Variants in PNPLA5 observed in about 807,000 individuals in gnomAD.
PNPLA5 encodes the protein patatin-like phospholipase domain-containing protein 5.
PNPLA5 carries 44 observed loss-of-function variants against 49.1 expected under a neutral mutation model. The ratio of observed to expected loss-of-function variants is 0.90; its 90% CI spans 0.70 to 1.15. PNPLA5 has a LOEUF of 1.15. PNPLA5 is among the 50% of genes most tolerant of loss of function. The pLI, the probability that PNPLA5 is intolerant of heterozygous loss-of-function variation, is 0.00. For synonymous variants in PNPLA5, 243 were observed against 244.4 expected, an observed-to-expected ratio of 0.99 and a Z score of 0.06; for missense variants, 603 against 564.0, an observed-to-expected ratio of 1.07 and a Z score of -0.70.
intron 4 of PNPLA5, 131 bp from the exon 5 acceptor site, chr22:43,887,782 C>G (rs1307830278): frequency 4.7e-6 from 7 of 1,487,542 alleles, no homozygotes; most frequent in Non-Finnish European, 5.4e-6. Context: ...AGTGACCATT[C>G]AACAGGGCTC....
chr22:43,891,636 G>C, intron 1 of PNPLA5, 52 bp downstream of exon 1: 3 of 1,486,792 alleles, frequency 2.0e-6, no homozygotes, highest in Non-Finnish European at 2.7e-6. Context: ...GGCTCGATCC[G>C]CTTTCATTAA....
chr22:43,887,656 C>T lies in PNPLA5; in HGVS notation c.703-5G>A. ...TCTGCAGTTGTCGGCCACTACCTGCCAACACACAGGGCAAGGGTGAGATGG... is the reference window on the plus strand; with the variant it reads ...TCTGCAGTTGTCGGCCACTACCTGCTAACACACAGGGCAAGGGTGAGATGG... On this transcript the variant is annotated splice_region_variant and splice_polypyrimidine_tract_variant and intron_variant, in intron 4 of 8. Coordinates refer to ENST00000216177, the MANE Select transcript of PNPLA5 (RefSeq NM_138814.4). 1 of 1,600,048 alleles carries T rather than the reference C, an allele frequency of 6.2e-7. No individual in the cohort carries two copies. Among genetic ancestry groups the T allele is most frequent in the Non-Finnish European group, 8.5e-7 (1 of 1,172,258 alleles).
Position 43,881,653 on chromosome 22 carries a change from A to G in PNPLA5, c.1104T>C (p.Asp368=), listed in dbSNP as rs755096355. Residue 368 remains aspartate (D), a synonymous_variant, in exon 8 of 9, where the codon GAT becomes GAC. Transcript: ENST00000216177. ...GCATCCACCACAAGTCCGCCGGCAC[A>G]TCGGGCAGCCACACCACCAACCTGG... ...RSRRLVVWLP[D]VPADLWWMQG... 5 of 1,613,758 alleles carry G rather than the reference A, an allele frequency of 3.1e-6. No homozygotes were observed. The highest frequency in any genetic ancestry group is 2.2e-5 in the East Asian group (1 of 44,856).
At chr22:43,882,730 G>A (rs2049622685) in intron 7 of PNPLA5, among the ~76,000 whole-genome samples, 1 of 152,232 alleles carries the variant, frequency 6.6e-6, no homozygotes, top group African/African-American at 2.4e-5. Flanking sequence ...TCAGCGTGAG[G>A]AGAATCTGTC....
intron 4 of PNPLA5, among the ~76,000 whole-genome samples, chr22:43,888,147 G>C (rs761897070): frequency 2.0e-5 from 3 of 152,196 alleles, no homozygotes; most frequent in Non-Finnish European, 2.9e-5. Context: ...AAAGGGTGCT[G>C]TCCCCCTCAC....
rs200063119 is a variant in PNPLA5 at position 43,884,303 on chromosome 22, C to T, written c.992G>A (p.Arg331His). The change falls in exon 7 of 9, where the codon CGC becomes CAC. Residue 331 changes from arginine to histidine, a missense_variant. Arg to His is a conservative substitution (Grantham distance 29, BLOSUM62 0). Coordinates refer to ENST00000216177, the MANE Select transcript of PNPLA5 (RefSeq NM_138814.4). ...CTGTCCAGGCCCCGAGTGCCAGAAG[C>T]GGGCCCACCGGCTGGGATCCCTCGT... ...ACTRDPSRWA[R>H]FWHSGPGQVL... The T allele has an allele frequency of 1.8e-5, 28 of 1,598,386 alleles. No homozygotes were observed. The highest frequency in any genetic ancestry group is 3.3e-4 in the Middle Eastern group (2 of 6,030).
intron 7 of PNPLA5, 50 bp from the exon 8 acceptor site, chr22:43,881,724 C>A (rs751814153): frequency 1.3e-6 from 2 of 1,586,318 alleles, no homozygotes; most frequent in East Asian, 2.3e-5. Context: ...GGGGTGTGGC[C>A]CCACCAAGCC....
At chr22:43,887,527 G>A (rs1296062145) in intron 5 of PNPLA5, 64 bp downstream of exon 5, 2 of 1,567,130 alleles carry the variant, frequency 1.3e-6, no homozygotes, top group Non-Finnish European at 1.7e-6. Flanking sequence ...AAAGGCCCAA[G>A]AGGCAGGGTC....
At chr22:43,889,274 C>T in intron 4 of PNPLA5, 55 bp downstream of exon 4, 1 of 1,592,466 alleles carries the variant, frequency 6.3e-7, no homozygotes. Context: ...GAGTCTGACT[C>T]ACGGGGCCCT....
At chr22:43,881,283 G>T (rs545100081) in intron 8 of PNPLA5, among the ~76,000 whole-genome samples, 4 of 152,220 alleles carry the variant, frequency 2.6e-5, no homozygotes, top group African/African-American at 7.2e-5. Context: ...TGGTGAAGCC[G>T]CAAGAGGCAC....
At chr22:43,890,977 G>C (rs1451158441) in intron 2 of PNPLA5, 85 bp downstream of exon 2, 16 of 1,498,832 alleles carry the variant, frequency 1.1e-5, no homozygotes, top group African/African-American at 1.4e-5. Flanking sequence ...CTGCAGAAAC[G>C]TCTGACGGGG....
chr22:43,889,570 T>C (rs1464291240), intron 3 of PNPLA5, 32 bp from the exon 4 acceptor site: 1 of 1,571,936 alleles, frequency 6.4e-7, no homozygotes, highest in East Asian at 2.2e-5. Flanking sequence ...TGGGTGGTGC[T>C]GCCCTCTCAG....
rs370194974 is a variant in PNPLA5, at chr22:43,889,470, C to T, written c.561G>A (p.Ser187=). 17 of 1,613,578 alleles carry T rather than the reference C, an allele frequency of 1.1e-5. No individual in the cohort carries two copies. Among genetic ancestry groups the T allele is most frequent in the Middle Eastern group, 1.6e-4 (1 of 6,084 alleles). The change falls in exon 4 of 9, where the codon TCG becomes TCA. Residue 187 remains serine (S), a synonymous_variant. Coordinates refer to ENST00000216177, the MANE Select transcript of PNPLA5 (RefSeq NM_138814.4). The part of the protein sequence containing the change: ...FADCPSTITV[S]PFHGTVDICP... ...AGATGTCCACTGTCCCATGGAAGGGCGACACCGTGATGGTGGAGGGGCAGT... is the reference window on the plus strand; with the variant it reads ...AGATGTCCACTGTCCCATGGAAGGGTGACACCGTGATGGTGGAGGGGCAGT...
chr22:43,891,676 T>TC lies in PNPLA5; in HGVS notation c.193+11dup. 1 of 1,543,344 alleles carries TC rather than the reference T, an allele frequency of 6.5e-7. No individual in the cohort carries two copies. The highest frequency in any genetic ancestry group is 8.7e-7 in the Non-Finnish European group (1 of 1,145,082). On this transcript the variant is annotated intron_variant, in intron 1 of 8. Transcript: ENST00000216177. ...TCCCCGCCCCTTTTCGCCCCCGCGG[T>TC]CCGGGACTCACCGACCGACTTGCCG...
rs1603413257 is a variant in PNPLA5 at position 43,891,964 on chromosome 22, G to C, written c.-84C>G. On this transcript the variant is annotated 5_prime_UTR_variant, in exon 1 of 9. Coordinates refer to ENST00000216177, the MANE Select transcript of PNPLA5 (RefSeq NM_138814.4). ...AGGGCCGGGATGCAGCCTTGGACGGGGCTGGGCCCAAATGTGGGCTCTGGA... is the reference window on the plus strand; with the variant it reads ...AGGGCCGGGATGCAGCCTTGGACGGCGCTGGGCCCAAATGTGGGCTCTGGA... 2 of 1,361,636 alleles carry C rather than the reference G, an allele frequency of 1.5e-6. No individual in the cohort carries two copies. The highest frequency in any genetic ancestry group is 2.8e-5 in the East Asian group (1 of 35,278). The allele number at this position is 1,361,636 out of a possible 1,614,324, so 84.3% of individuals were successfully genotyped here.
intron 6 of PNPLA5, among the ~76,000 whole-genome samples, chr22:43,885,511 G>A (rs192890191): frequency 1.2e-4 from 18 of 149,436 alleles, no homozygotes; most frequent in African/African-American, 4.2e-4. Context: ...CCCTCATGCC[G>A]CAGCCACAGG....
chr22:43,887,005 T>C (rs2049671663), intron 5 of PNPLA5, among the ~76,000 whole-genome samples: 1 of 151,938 alleles, frequency 6.6e-6, no homozygotes. Context: ...TTTGAAGAGC[T>C]CTGTCCTGTG....
At chr22:43,886,822 A>G (rs535642995) in intron 5 of PNPLA5, among the ~76,000 whole-genome samples, 113 of 152,350 alleles carry the variant, frequency 7.4e-4, no homozygotes, top group African/African-American at 1.4e-3. Flanking sequence ...CCTGCTTTAT[A>G]CAGTTACTCT....
chr22:43,882,975 C>A (rs1465461413), intron 7 of PNPLA5, among the ~76,000 whole-genome samples: 1 of 152,226 alleles, frequency 6.6e-6, no homozygotes, highest in Non-Finnish European at 1.5e-5. Context: ...GAGCTCAGTG[C>A]GTCTGCCCCA....
Sources: gnomAD v4.1 joint callset for allele counts (sites outside exome capture counted in the v4.1 genomes callset) on GRCh38, gnomAD v4.1.1 for gene constraint, MANE v1.5 for transcripts, NCBI Gene and HGNC (gene_info 2026-07-23, HGNC 2026-07-21) for gene names.